ZNF888: variants seen among roughly 807,000 people sequenced by gnomAD.
The protein encoded by ZNF888 is zinc finger protein 888, also known as CTD-2331H12.6.
Under a neutral mutation model 7.2 loss-of-function variants are expected in ZNF888, and 5 were observed. The ratio of observed to expected loss-of-function variants is 0.70; its 90% CI spans 0.36 to 1.46. The LOEUF is 1.46. ZNF888 is among the 40% of genes most tolerant of loss of function. The pLI, the probability that ZNF888 is intolerant of heterozygous loss-of-function variation, is 0.03. For synonymous variants in ZNF888, 240 were observed against 284.3 expected (o/e 0.84, Z 1.57); for missense variants, 716 against 858.0 (o/e 0.83, Z 2.07).
intron 1 of ZNF888, chr19:52,921,607 A>C: frequency 1.1e-6 from 1 of 948,382 alleles, no homozygotes; most frequent in Non-Finnish European, 1.3e-6. Flanking sequence ...CCTAACATTT[A>C]ATTTTTCCTT....
At chr19:52,922,199 C>T (rs2064828638) in intron 1 of ZNF888, among the ~76,000 whole-genome samples, 1 of 152,118 alleles carries the variant, frequency 6.6e-6, no homozygotes, top group African/African-American at 2.4e-5. Context: ...TATTTAACCT[C>T]TTGTTGCTCC....
chr19:52,912,049 G>A (rs1275641870), intron 4 of ZNF888, among the ~76,000 whole-genome samples: 1 of 151,326 alleles, frequency 6.6e-6, no homozygotes, highest in East Asian at 2.0e-4. Flanking sequence ...TCCTGACCTC[G>A]TGATCCACCC....
chr19:52,905,778 G>A lies in ZNF888; in HGVS notation c.*387C>T, dbSNP rs1352643177. On this transcript the variant is annotated 3_prime_UTR_variant, in exon 5 of 5. Transcript: ENST00000638862. Reference sequence around the variant, plus strand: ...CTATTATCTCAAAAATAAATTTTCTGATATTCTGCAAGGAGTGATCTCAGA... The same window carrying A: ...CTATTATCTCAAAAATAAATTTTCTAATATTCTGCAAGGAGTGATCTCAGA... The A allele has an allele frequency of 6.8e-6, 4 of 587,028 alleles. No homozygotes were observed. In the East Asian group the frequency reaches 1.6e-4, roughly 23 times the overall value. 36.4% of individuals were successfully genotyped at this position (587,028 alleles called of 1,614,324 possible). A position where few individuals can be genotyped will look rare whatever the true frequency, so the allele number is the denominator to read the frequency against.
chr19:52,906,245 T>C lies in ZNF888; in HGVS notation c.2077A>G (p.Ser693Gly). ...IHTGEKPFKC[S>G]ECGKAFRAQS... ...GCACGAAAGGCTTTGCCACACTCAC[T>C]ACACTTGAAAGGTTTCTCTCCAGTA... is the stretch of plus-strand genomic sequence containing the variant. Residue 693 changes from serine (S) to glycine (G), a missense_variant, in exon 5 of 5, where the codon AGT becomes GGT. Around this residue, in one of 2 missense-constraint regions of ZNF888, gnomAD observed 697 missense variants for 803.4 expected, o/e 0.87. Coordinates refer to ENST00000638862, the MANE Select transcript of ZNF888 (RefSeq NM_001393938.1). The C allele has an allele frequency of 6.2e-7, 1 of 1,601,954 alleles. No homozygotes were observed. The highest frequency in any genetic ancestry group is 8.5e-7 in the Non-Finnish European group (1 of 1,178,074).
rs1418309990 is a variant in ZNF888, at chr19:52,919,367, C to T, written c.-177-430G>A. Among the ~76,000 whole-genome samples, 3 of 67,508 alleles carry T rather than the reference C, an allele frequency of 4.4e-5. 1 individual carries two copies. Among genetic ancestry groups the T allele is most frequent in the Non-Finnish European group, 7.0e-5 (2 of 28,472 alleles). The allele number at this position is 67,508 out of a possible 152,430, so 44.3% of individuals were successfully genotyped here. ...GTTTTTTTTGGTGGAGACGGGGTTT[C>T]GCTGTGTTGGCCGGGCTGGTCTCCA... is the stretch of plus-strand genomic sequence containing the variant. On this transcript the variant is annotated intron_variant, in intron 1 of 4. Coordinates refer to ENST00000638862, the MANE Select transcript of ZNF888 (RefSeq NM_001393938.1).
chr19:52,917,991 C>T (rs1352032846), intron 2 of ZNF888, 60 bp from the exon 3 acceptor site: 4 of 1,571,554 alleles, frequency 2.5e-6, no homozygotes, highest in East Asian at 4.5e-5. Context: ...GTCAACATAC[C>T]CCCTCCCTGT....
intron 4 of ZNF888, among the ~76,000 whole-genome samples, chr19:52,912,315 A>G (rs146986053): frequency 0.17 from 22,589 of 132,782 alleles, 1,727 homozygotes; most frequent in South Asian, 0.2. Flanking sequence ...GGGTTTCACC[A>G]TGTTAGCCAG....
In ZNF888 at chr19:52,911,909, T is replaced by C. The variant is rs1453628061; in HGVS notation, c.142+3287A>G. Among the ~76,000 whole-genome samples, 9 of 150,468 alleles carry C rather than the reference T, an allele frequency of 6.0e-5. No individual in the cohort carries two copies. In the East Asian group the frequency reaches 8.1e-4, roughly 14 times the overall value. On this transcript the variant is annotated intron_variant, in intron 4 of 4. Transcript: ENST00000638862. ...TCAGCTCACTGCAAGCTCTGCCTCT[T>C]GGGTTCAGGCCATTCTCCTGCCTCA...
intron 1 of ZNF888, among the ~76,000 whole-genome samples, chr19:52,919,223 G>A (rs566587559): frequency 5.0e-5 from 2 of 40,204 alleles, no homozygotes; most frequent in South Asian, 9.3e-4. Context: ...GCCGAGCCAA[G>A]GCTGGACTAT....
At chr19:52,918,301 G>A (rs957491583) in intron 2 of ZNF888, 1 of 587,138 alleles carries the variant, frequency 1.7e-6, no homozygotes, top group Non-Finnish European at 2.1e-6. Flanking sequence ...ACCAGCCTGG[G>A]CAACATGGTG....
Position 52,906,405 on chromosome 19 carries a change from G to A in ZNF888, c.1917C>T (p.Cys639=), listed in dbSNP as rs562184002. ...TGEKPYKCRV[C]DKAFGRDSYL... ...ATGAATCACGCCCAAAAGCCTTGTC[G>A]CAAACCCTACATTTGTATGGTTTCT... Residue 639 remains cysteine, a synonymous_variant, in exon 5 of 5, where the codon TGC becomes TGT. Coordinates refer to ENST00000638862, the MANE Select transcript of ZNF888 (RefSeq NM_001393938.1). The A allele has an allele frequency of 5.2e-5, 83 of 1,610,984 alleles. No individual in the cohort carries two copies. In the South Asian group the frequency reaches 5.9e-4, roughly 12 times the overall value.
In ZNF888 at chr19:52,916,664, AG is replaced by A. The variant is rs2064755375; in HGVS notation, c.15+1194del. ...TATAGGTTTTAAATATATAAAAAGT[AG>A]CAAGTTTTGTTTAAGTGAAGAGGAA... On this transcript the variant is annotated intron_variant, in intron 3 of 4. Transcript: ENST00000638862. Among the ~76,000 whole-genome samples the A allele has an allele frequency of 7.5e-5, 11 of 146,028 alleles. 1 individual carries two copies. In the South Asian group the frequency reaches 2.3e-3, roughly 31 times the overall value.
In ZNF888 at chr19:52,906,477, GA is replaced by G; in HGVS notation, c.1844del (p.Phe615SerfsTer100). 1 of 1,613,184 alleles carries G rather than the reference GA, an allele frequency of 6.2e-7. No individual in the cohort carries two copies. On this transcript the variant is annotated frameshift_variant, in exon 5 of 5. Transcript: ENST00000638862. LOFTEE classifies it low-confidence loss of function (END_TRUNC). ...PYKCEECDKVFNIKSHLEIHR... is the reference protein window; with the variant it reads ...PYKCEECDKVXNIKSHLEIHR... ...GTATTTCAAGGTGTGATTTGATATT[GA>G]AAACTTTGTCACATTCTTCACATTT...
chr19:52,921,066 TG>T (rs2064818615), intron 1 of ZNF888, among the ~76,000 whole-genome samples: 1 of 150,810 alleles, frequency 6.6e-6, no homozygotes, highest in East Asian at 2.0e-4. Flanking sequence ...TGGGAGGACA[TG>T]GGAGATATCT....
intron 4 of ZNF888, chr19:52,914,421 A>T: frequency 7.7e-6 from 7 of 906,650 alleles, no homozygotes; most frequent in Non-Finnish European, 9.2e-6. Context: ...ACTTATAAAA[A>T]GAAAGGACCA....
chr19:52,908,285 A>G (rs1411662686), intron 4 of ZNF888, 106 bp from the exon 5 acceptor site: 1 of 1,116,372 alleles, frequency 9.0e-7, no homozygotes, highest in Non-Finnish European at 1.3e-6. Flanking sequence ...AAACATCTCA[A>G]ACATGAGCTT....
chr19:52,920,531 AG>A (rs1487333923), intron 1 of ZNF888, among the ~76,000 whole-genome samples: 677 of 29,644 alleles, frequency 0.023, 143 homozygotes, highest in Non-Finnish European at 0.029. Flanking sequence ...AAAAAAGAAA[AG>A]GAAAAAAAAA....
At chr19:52,912,313 C>G (rs1476907738) in intron 4 of ZNF888, among the ~76,000 whole-genome samples, 2 of 149,906 alleles carry the variant, frequency 1.3e-5, no homozygotes, top group South Asian at 2.1e-4. Context: ...TGGGGTTTCA[C>G]CATGTTAGCC....
In ZNF888 at chr19:52,907,260, G is replaced by C. The variant is rs1761790135; in HGVS notation, c.1062C>G (p.Tyr354Ter). The C allele has an allele frequency of 1.9e-6, 3 of 1,612,368 alleles. No individual in the cohort carries two copies. The highest frequency in any genetic ancestry group is 1.7e-5 in the Admixed American group (1 of 59,804). The stretch of plus-strand genomic sequence containing the variant: ...AAACTTTGTCACATTCTTTACATTG[G>C]TAAGGTTTCTCTCCAGTATGAACTC... ...HHRVHTGEKP[Y>*]QCKECDKVFS... Residue 354 changes from tyrosine (Y) to a stop codon, truncating the protein, a stop_gained, in exon 5 of 5, where the codon TAC becomes TAG. Coordinates refer to ENST00000638862, the MANE Select transcript of ZNF888 (RefSeq NM_001393938.1). LOFTEE classifies it low-confidence loss of function (END_TRUNC).
Sources: gnomAD v4.1 joint callset for allele counts (sites outside exome capture counted in the v4.1 genomes callset) on GRCh38, gnomAD v4.1.1 for gene constraint, gnomAD v4.1.1 regional missense constraint, MANE v1.5 for transcripts, NCBI Gene and HGNC (gene_info 2026-07-23, HGNC 2026-07-21) for gene names.